The following KIF23 variants were observed in gnomAD, a reference collection of about 807,000 sequenced individuals.
The protein encoded by KIF23 is kinesin-like protein KIF23.
KIF23 carries 30 observed loss-of-function variants against 137.5 expected under a neutral mutation model. That is an observed-to-expected ratio of 0.22 (90% CI 0.16 to 0.30). KIF23 has a LOEUF of 0.30. KIF23 is among the 10% of genes least tolerant of loss of function. KIF23 has a pLI of 1.00. For synonymous variants in KIF23, 367 were observed against 391.1 expected (o/e 0.94, Z 0.73); for missense variants, 920 against 1,194.3 (o/e 0.77, Z 3.38).
chr15:69,426,569 T>C, intron 10 of KIF23, 112 bp downstream of exon 10: 1 of 1,179,822 alleles, frequency 8.5e-7, no homozygotes, highest in Non-Finnish European at 1.2e-6. Flanking sequence ...ATTGGAAAAA[T>C]CAGCCAGGCA....
chr15:69,440,187 TTGTTAACTC>T, intron 17 of KIF23, 110 bp downstream of exon 17: 2 of 1,492,076 alleles, frequency 1.3e-6, no homozygotes, highest in Non-Finnish European at 9.1e-7. Context: ...TTGGTGGTGG[TTGTTAACTC>T]TCAGGAAGAA....
At position 69,414,553 on chromosome 15, in the gene KIF23, C is replaced by A. The variant is rs544897774; in HGVS notation, c.11+77C>A. On this transcript the variant is annotated intron_variant, in intron 1 of 23. Transcript: ENST00000679126. ...TCGGGGCTGGGGGCAGGCGTCTCCA[C>A]TCAGGCCGCGGCCGTACGCGGGCAG... is the stretch of plus-strand genomic sequence containing the variant. 4.2e-6 allele frequency: 6 copies of A among 1,418,374 alleles called. No homozygotes were observed. The Admixed American group carries it at 8.3e-5, about 20-fold the overall frequency. The allele number at this position is 1,418,374 out of a possible 1,614,324, so 87.9% of individuals were successfully genotyped here.
chr15:69,444,209 G>C lies in KIF23; in HGVS notation c.2422-581G>C, dbSNP rs1247164885. 6.6e-6 allele frequency: 1 copy of C among 152,164 alleles called. No homozygotes were observed. The highest frequency in any genetic ancestry group is 1.5e-5 in the Non-Finnish European group (1 of 68,082). 9.4% of individuals were successfully genotyped at this position (152,164 alleles called of 1,614,324 possible). On this transcript the variant is annotated intron_variant, in intron 19 of 23. Transcript: ENST00000679126. The surrounding 1 kb of genome is among the most constrained non-coding windows in gnomAD (Gnocchi z 4.2). ...AAATGTTTGGGGGAAAAATTAGTTG[G>C]TATATTGTAGCCATTACTGTATTTG...
At chr15:69,447,709 C>G in intron 23 of KIF23, 83 bp from the exon 24 acceptor site, 1 of 1,365,584 alleles carries the variant, frequency 7.3e-7, no homozygotes, top group Non-Finnish European at 1.0e-6. Context: ...CAGCAGTTCT[C>G]AAAGGCCTCC....
In KIF23 at chr15:69,426,589, A is replaced by G; in HGVS notation, c.1011+132A>G. The G allele has an allele frequency of 3.4e-6, 3 of 876,398 alleles. No homozygotes were observed. The South Asian group carries it at 4.8e-5, about 14-fold the overall frequency. 54.3% of individuals were successfully genotyped at this position (876,398 alleles called of 1,614,324 possible). ...AAAAATCAGCCAGGCATGGTGATGC[A>G]CCACTCCTGTAATCCCAGCTACTTG... On this transcript the variant is annotated intron_variant, in intron 10 of 23. Transcript: ENST00000679126.
chr15:69,422,961 C>T (rs955362727), intron 6 of KIF23, 198 bp from the exon 7 acceptor site: 12 of 417,564 alleles, frequency 2.9e-5, no homozygotes, highest in African/African-American at 1.9e-4. Context: ...CCACCATGCC[C>T]GGCTAATTTG....
Position 69,448,188 on chromosome 15 carries a change from T to C in KIF23, c.*381T>C, listed in dbSNP as rs1394200016. 1 of 156,626 alleles carries C rather than the reference T, an allele frequency of 6.4e-6. No individual in the cohort carries two copies. The highest frequency in any genetic ancestry group is 1.4e-5 in the Non-Finnish European group (1 of 70,766). 9.7% of individuals were successfully genotyped at this position (156,626 alleles called of 1,614,324 possible). Reference sequence around the variant, plus strand: ...TATCTAGATCATGTCTGATTTTTTATTGTGACTTCTCCAGCCCTGGTCTGA... The same window carrying C: ...TATCTAGATCATGTCTGATTTTTTACTGTGACTTCTCCAGCCCTGGTCTGA... On this transcript the variant is annotated 3_prime_UTR_variant, in exon 24 of 24. Transcript: ENST00000679126.
chr15:69,443,400 GTCATCT>G, intron 19 of KIF23, among the ~76,000 whole-genome samples: 1 of 119,804 alleles, frequency 8.3e-6, no homozygotes, highest in Non-Finnish European at 1.6e-5. Context: ...GTGCAGTGGT[GTCATCT>G]AGGCTCACTG....
At chr15:69,436,423 G>C in intron 14 of KIF23, 141 bp from the exon 15 acceptor site, 1 of 1,203,984 alleles carries the variant, frequency 8.3e-7, no homozygotes, top group Non-Finnish European at 1.2e-6. Context: ...TGCATACTAT[G>C]ATTCTTAGGT....
At chr15:69,419,503 C>CT (rs1292144486) in intron 3 of KIF23, among the ~76,000 whole-genome samples, 1 of 152,146 alleles carries the variant, frequency 6.6e-6, no homozygotes, top group Non-Finnish European at 1.5e-5. Context: ...CTGGACTTCT[C>CT]TTTTTCTGGG....
chr15:69,429,497 G>A (rs183969332), intron 11 of KIF23, among the ~76,000 whole-genome samples: 1 of 151,986 alleles, frequency 6.6e-6, no homozygotes, highest in Non-Finnish European at 1.5e-5. Flanking sequence ...TGTAGAGGTG[G>A]GGTCTCCTTA....
At chr15:69,414,577 A>G (rs2056840867) in intron 1 of KIF23, 101 bp downstream of exon 1, 3 of 1,277,048 alleles carry the variant, frequency 2.3e-6, no homozygotes, top group Non-Finnish European at 3.1e-6. Context: ...GTACGCGGGC[A>G]GCGCGGACAG....
rs1487134022 is a variant in KIF23 at position 69,444,719 on chromosome 15, C to T, written c.2422-71C>T. On this transcript the variant is annotated intron_variant, in intron 19 of 23. Transcript: ENST00000679126. The surrounding 1 kb of genome is among the most constrained non-coding windows in gnomAD (Gnocchi z 4.2). ...AGGTTTGCTATGATACTGTCATCAA[C>T]TAATGTAGCCAAACCTGCTGCACTT... 2 of 1,490,778 alleles carry T rather than the reference C, an allele frequency of 1.3e-6. No homozygotes were observed. Among genetic ancestry groups the T allele is most frequent in the Admixed American group, 3.6e-5 (2 of 54,842 alleles). 92.3% of individuals were successfully genotyped at this position (1,490,778 alleles called of 1,614,324 possible).
At chr15:69,436,936 G>A (rs2057497768) in intron 15 of KIF23, among the ~76,000 whole-genome samples, 2 of 152,082 alleles carry the variant, frequency 1.3e-5, no homozygotes, top group African/African-American at 4.8e-5. Flanking sequence ...TGTACTGTTA[G>A]TAGAGACGGG....
chr15:69,447,747 A>G, intron 23 of KIF23, 45 bp from the exon 24 acceptor site: 1 of 1,581,936 alleles, frequency 6.3e-7, no homozygotes, highest in Admixed American at 1.7e-5. Context: ...TGAATGTGTT[A>G]CTAATTGCAA....
intron 20 of KIF23, 24 bp downstream of exon 20, chr15:69,445,065 G>GA (rs138256473): frequency 1.3e-5 from 21 of 1,583,714 alleles, no homozygotes; most frequent in Non-Finnish European, 1.5e-5. Flanking sequence ...TTTCACAGGA[G>GA]AAAAAAATAT....
chr15:69,442,202 G>A (rs1188022668), intron 19 of KIF23, among the ~76,000 whole-genome samples: 1 of 152,034 alleles, frequency 6.6e-6, no homozygotes, highest in African/African-American at 2.4e-5. Context: ...TCATTGAAGA[G>A]TTTAGGCCAG....
At position 69,426,526 on chromosome 15, in the gene KIF23, C is replaced by T; in HGVS notation, c.1011+69C>T. The T allele has an allele frequency of 1.9e-6, 3 of 1,544,448 alleles. No individual in the cohort carries two copies. The Admixed American group carries it at 5.6e-5, about 29-fold the overall frequency. ...CTTAATTTTTGGAATTAGAGTAATC[C>T]AGCCAACATGGCAAAAACCTGTCTC... On this transcript the variant is annotated intron_variant, in intron 10 of 23. Transcript: ENST00000679126.
chr15:69,416,132 G>C, intron 2 of KIF23, 69 bp downstream of exon 2: 1 of 985,080 alleles, frequency 1.0e-6, no homozygotes, highest in East Asian at 2.7e-5. Flanking sequence ...TCTGTCTTAT[G>C]TGTATGCTTG....
Sources: gnomAD v4.1 joint callset for allele counts (sites outside exome capture counted in the v4.1 genomes callset) on GRCh38, gnomAD v4.1.1 for gene constraint, Gnocchi (gnomAD v3.1) non-coding constraint, MANE v1.5 for transcripts, NCBI Gene and HGNC (gene_info 2026-07-23, HGNC 2026-07-21) for gene names.